CRACR2A: variants seen among roughly 807,000 people sequenced by gnomAD.
CRACR2A encodes calcium release activated channel regulator 2A, also known as EF-hand calcium-binding domain-containing protein 4B.
Under a neutral mutation model 90.5 loss-of-function variants are expected in CRACR2A, and 79 were observed. The ratio of observed to expected loss-of-function variants is 0.87; its 90% CI spans 0.73 to 1.05. The LOEUF (loss-of-function observed/expected upper bound fraction) is 1.05, where lower values mean the gene tolerates loss of function less well. CRACR2A is among the 50% of genes least tolerant of loss of function. The pLI, the probability that CRACR2A is intolerant of heterozygous loss-of-function variation, is 0.00. For missense variants in CRACR2A, 823 were observed against 897.2 expected, an observed-to-expected ratio of 0.92 and a Z score of 1.06; for synonymous variants, 338 against 356.7, an observed-to-expected ratio of 0.95 and a Z score of 0.59.
chr12:3,742,753 C>A (rs1486368102), intron 1 of CRACR2A, among the ~76,000 whole-genome samples: 1 of 152,206 alleles, frequency 6.6e-6, no homozygotes, highest in Non-Finnish European at 1.5e-5. Context: ...CTCCTGTCAC[C>A]ACTTACCTGC....
intron 4 of CRACR2A, among the ~76,000 whole-genome samples, chr12:3,691,794 A>G (rs933713232): frequency 8.5e-5 from 13 of 152,124 alleles, no homozygotes; most frequent in African/African-American, 3.1e-4. Flanking sequence ...TAAGTCATAG[A>G]TTTTGTCTCT....
chr12:3,743,331 T>C (rs1946558702), intron 1 of CRACR2A, among the ~76,000 whole-genome samples: 2 of 152,232 alleles, frequency 1.3e-5, no homozygotes, highest in Non-Finnish European at 2.9e-5. Context: ...TAAAACGAAG[T>C]ACTATATCAG....
At chr12:3,694,218 C>T (rs1348142687) in intron 4 of CRACR2A, among the ~76,000 whole-genome samples, 5 of 152,220 alleles carry the variant, frequency 3.3e-5, no homozygotes, top group Non-Finnish European at 5.9e-5. Flanking sequence ...CACCTGGCTG[C>T]GTCTAGTTGG....
intron 11 of CRACR2A, among the ~76,000 whole-genome samples, chr12:3,645,971 A>G (rs1944677558): frequency 6.6e-6 from 1 of 152,190 alleles, no homozygotes; most frequent in Non-Finnish European, 1.5e-5. Context: ...CTCTAATTCT[A>G]GAGTGTGAGT....
chr12:3,644,595 C>T lies in CRACR2A; in HGVS notation c.1164G>A (p.Gln388=). 6.4e-7 allele frequency: 1 copy of T among 1,551,446 alleles called. No individual in the cohort carries two copies. The highest frequency in any genetic ancestry group is 1.2e-5 in the South Asian group (1 of 84,046). ...HLRDERDICF[Q]KNKAAKANTA... is the part of the protein sequence containing the mutation. ...AGGTAAGGGAGAACTGGCCAATTAC[C>T]TGAAAACATATGTCCCGTTCATCCC... Residue 388 remains glutamine (Q), a splice_region_variant and synonymous_variant, in exon 12 of 20, where the codon CAG becomes CAA. Transcript: ENST00000440314.
intron 8 of CRACR2A, among the ~76,000 whole-genome samples, chr12:3,658,684 C>T (rs189527625): frequency 5.6e-4 from 86 of 152,224 alleles, no homozygotes; most frequent in Non-Finnish European, 4.1e-4. Context: ...AAAATTGGCT[C>T]AAGAGAAGGG....
At chr12:3,726,327 C>T (rs966849756) in intron 2 of CRACR2A, 9 of 152,092 alleles carry the variant, frequency 5.9e-5, no homozygotes, top group South Asian at 2.1e-4. Flanking sequence ...AAAGTGAGCA[C>T]AGAAATGTGA....
chr12:3,620,405 T>C (rs1295735789), intron 17 of CRACR2A, among the ~76,000 whole-genome samples: 1 of 152,266 alleles, frequency 6.6e-6, no homozygotes, highest in Non-Finnish European at 1.5e-5. Flanking sequence ...GCCAATACTT[T>C]AGCTGTTTTA....
In CRACR2A at chr12:3,705,476, C is replaced by T. The variant is rs77135016; in HGVS notation, c.-37+7761G>A. Among the ~76,000 whole-genome samples the T allele has an allele frequency of 8.1e-3, 1,233 of 152,276 alleles. 16 individuals are homozygous for T. Among genetic ancestry groups the T allele is most frequent in the African/African-American group, 0.028 (1,167 of 41,572 alleles). On this transcript the variant is annotated intron_variant, in intron 3 of 19. Coordinates refer to ENST00000440314, the MANE Select transcript of CRACR2A (RefSeq NM_001144958.2). ...CACCAGTGGCAAACCTGAAAGCAGC[C>T]GCTAAGTCATCCAGATTTCCCTTGA...
chr12:3,672,673 T>C (rs1945267565), intron 7 of CRACR2A: 2 of 804,808 alleles, frequency 2.5e-6, no homozygotes, highest in Non-Finnish European at 3.0e-6. Flanking sequence ...TAACCATGCA[T>C]TAATTCTCAT....
intron 10 of CRACR2A, among the ~76,000 whole-genome samples, chr12:3,652,628 G>A (rs1395087741): frequency 6.6e-6 from 1 of 152,172 alleles, no homozygotes; most frequent in East Asian, 1.9e-4. Flanking sequence ...CCTGCCAGCA[G>A]TCAGACAGAG....
intron 1 of CRACR2A, among the ~76,000 whole-genome samples, chr12:3,739,388 T>G (rs1378749747): frequency 1.3e-5 from 2 of 152,222 alleles, no homozygotes; most frequent in East Asian, 3.8e-4. Context: ...TACCTACGAA[T>G]GCTCCCAGCA....
rs1307273845 is a variant in CRACR2A at position 3,627,984 on chromosome 12, C to A, written c.1736-278G>T. 4.6e-5 allele frequency among the ~76,000 whole-genome samples: 7 copies of A among 151,610 alleles called. No individual in the cohort carries two copies. The highest frequency in any genetic ancestry group is 8.8e-5 in the Non-Finnish European group (6 of 67,900). On this transcript the variant is annotated intron_variant, in intron 15 of 19. Transcript: ENST00000440314. ...TGTGGGCTCTTCACTGTAATACAAG[C>A]CATACACTCTTTCTTTCCCTCCCTC...
At chr12:3,697,257 AAAG>A (rs1328364488) in intron 3 of CRACR2A, among the ~76,000 whole-genome samples, 1 of 152,202 alleles carries the variant, frequency 6.6e-6, no homozygotes, top group Non-Finnish European at 1.5e-5. Flanking sequence ...AAGAGTGCGG[AAAG>A]AAGACAGACA....
At chr12:3,635,863 C>G (rs1376968444) in intron 14 of CRACR2A, among the ~76,000 whole-genome samples, 1 of 152,162 alleles carries the variant, frequency 6.6e-6, no homozygotes, top group African/African-American at 2.4e-5. Flanking sequence ...CAATTCATAT[C>G]TTGATGCATT....
chr12:3,696,475 G>A (rs1322418943), intron 4 of CRACR2A, among the ~76,000 whole-genome samples: 1 of 148,886 alleles, frequency 6.7e-6, no homozygotes, highest in Non-Finnish European at 1.5e-5. Flanking sequence ...GTTTCAGAAG[G>A]TTCTTCTCGT....
At chr12:3,701,042 A>C (rs555432833) in intron 3 of CRACR2A, among the ~76,000 whole-genome samples, 1 of 152,304 alleles carries the variant, frequency 6.6e-6, no homozygotes, top group South Asian at 2.1e-4. Context: ...TTAGAAACCA[A>C]TAACAGAGAG....
intron 8 of CRACR2A, among the ~76,000 whole-genome samples, chr12:3,657,959 T>C (rs1944947175): frequency 1.3e-5 from 2 of 152,208 alleles, no homozygotes. Context: ...TTTTCCATGA[T>C]GTCAGAAACT....
At chr12:3,662,852 G>A (rs991873647) in intron 7 of CRACR2A, among the ~76,000 whole-genome samples, 1 of 152,184 alleles carries the variant, frequency 6.6e-6, no homozygotes, top group Non-Finnish European at 1.5e-5. Context: ...AGCAAGGCTC[G>A]CCATATTCTG....
Sources: allele counts gnomAD v4.1 joint callset (sites outside exome capture counted in the v4.1 genomes callset), GRCh38; gene constraint gnomAD v4.1.1; transcripts MANE v1.5; gene names NCBI Gene and HGNC (gene_info 2026-07-23, HGNC 2026-07-21).